The following PGAM5 variants were observed in gnomAD, a reference collection of about 807,000 sequenced individuals.
The protein encoded by PGAM5 is PGAM family member 5, mitochondrial serine/threonine protein phosphatase, also known as serine/threonine-protein phosphatase PGAM5, mitochondrial.
PGAM5 carries 25 observed loss-of-function variants against 30.6 expected under a neutral mutation model. That is an observed-to-expected ratio of 0.82 (90% CI 0.60 to 1.14). The LOEUF is 1.14. PGAM5 is among the 50% of genes most tolerant of loss of function. The pLI, the probability that PGAM5 is intolerant of heterozygous loss-of-function variation, is 0.00. For synonymous variants in PGAM5, 201 were observed against 179.1 expected, an observed-to-expected ratio of 1.12 and a Z score of -0.98; for missense variants, 384 against 408.5, an observed-to-expected ratio of 0.94 and a Z score of 0.52.
chr12:132,720,292 C>T (rs955815792), intron 5 of PGAM5, among the ~76,000 whole-genome samples: 5 of 150,652 alleles, frequency 3.3e-5, no homozygotes, highest in Non-Finnish European at 5.9e-5. Flanking sequence ...AGGACAGAGT[C>T]CCCTGGCTCT....
At chr12:132,717,587 C>T in intron 3 of PGAM5, 23 bp downstream of exon 3, 7 of 1,608,994 alleles carry the variant, frequency 4.4e-6, no homozygotes, top group Middle Eastern at 3.3e-4. Flanking sequence ...CGCGGGGCCT[C>T]CATGCTTGCA....
chr12:132,719,033 G>T, intron 5 of PGAM5: 1 of 1,430,284 alleles, frequency 7.0e-7, no homozygotes. Context: ...CCTGCAATCA[G>T]CCACTTCTTT....
At chr12:132,716,149 G>A (rs1348890515) in intron 2 of PGAM5, among the ~76,000 whole-genome samples, 1 of 151,962 alleles carries the variant, frequency 6.6e-6, no homozygotes, top group African/African-American at 2.4e-5. Context: ...GCAGTGACGT[G>A]ATCTTGGCCC....
rs971490810 is a variant in PGAM5, at chr12:132,721,149, C to A, written c.*321C>A. 1.4e-5 allele frequency: 3 copies of A among 214,612 alleles called. No homozygotes were observed. Among genetic ancestry groups the A allele is most frequent in the Non-Finnish European group, 1.8e-5 (2 of 108,624 alleles). The allele number at this position is 214,612 out of a possible 1,614,324, so 13.3% of individuals were successfully genotyped here. A position where few individuals can be genotyped will look rare whatever the true frequency, so the allele number is the denominator to read the frequency against. ...CCCACAGCTGACCCGTGCTGAGGGT[C>A]CAGGCTCCATTGGCAAAGCCGGTCA... On this transcript the variant is annotated 3_prime_UTR_variant, in exon 6 of 6. Coordinates refer to ENST00000498926, the MANE Select transcript of PGAM5 (RefSeq NM_001170543.2).
Position 132,722,016 on chromosome 12 carries a change from G to A in PGAM5, c.*1188G>A, listed in dbSNP as rs1051538242. 6.6e-6 allele frequency: 1 copy of A among 152,078 alleles called. No individual in the cohort carries two copies. The highest frequency in any genetic ancestry group is 2.4e-5 in the African/African-American group (1 of 41,372). 9.4% of individuals were successfully genotyped at this position (152,078 alleles called of 1,614,324 possible). A position where few individuals can be genotyped will look rare whatever the true frequency, so the allele number is the denominator to read the frequency against. On this transcript the variant is annotated 3_prime_UTR_variant, in exon 6 of 6. Transcript: ENST00000498926. Reference sequence around the variant, plus strand: ...CTCACCAACTTGATTAGGTCTTTAGGGGCCGAGGGACTAGCCAGCTGCACA... The same window carrying A: ...CTCACCAACTTGATTAGGTCTTTAGAGGCCGAGGGACTAGCCAGCTGCACA...
intron 5 of PGAM5, among the ~76,000 whole-genome samples, chr12:132,719,509 G>A (rs1471655992): frequency 2.0e-5 from 3 of 152,216 alleles, no homozygotes; most frequent in South Asian, 2.1e-4. Flanking sequence ...GCTGTGAGTC[G>A]TTCGTTGCCT....
chr12:132,720,182 A>G (rs1038161297), intron 5 of PGAM5, among the ~76,000 whole-genome samples: 1 of 149,974 alleles, frequency 6.7e-6, no homozygotes, highest in African/African-American at 2.5e-5. Flanking sequence ...GGCTCGGCTG[A>G]TGTGTACCCC....
At chr12:132,720,629 G>T (rs1017717595) in intron 5 of PGAM5, 49 bp from the exon 6 acceptor site, 3 of 1,511,840 alleles carry the variant, frequency 2.0e-6, no homozygotes, top group African/African-American at 2.8e-5. Context: ...TTTAAGGACA[G>T]AGCCCCCTGG....
intron 5 of PGAM5, among the ~76,000 whole-genome samples, chr12:132,720,230 CCT>C (rs1427864279): frequency 6.6e-6 from 1 of 151,500 alleles, no homozygotes; most frequent in Non-Finnish European, 1.5e-5. Flanking sequence ...AGGGGCTCAG[CCT>C]CTGTTTGTAG....
chr12:132,716,292 A>G (rs577353299), intron 2 of PGAM5, among the ~76,000 whole-genome samples: 2 of 151,876 alleles, frequency 1.3e-5, no homozygotes, highest in African/African-American at 2.4e-5. Flanking sequence ...TCACCGTGTT[A>G]GCCAGGATGG....
chr12:132,711,094 G>T, intron 1 of PGAM5, 27 bp downstream of exon 1: 1 of 1,202,622 alleles, frequency 8.3e-7, no homozygotes, highest in South Asian at 4.2e-5. Flanking sequence ...TTGGGGCCGG[G>T]GTCGGGATGG....
intron 5 of PGAM5, 68 bp downstream of exon 5, chr12:132,718,188 G>A: frequency 1.1e-5 from 17 of 1,588,396 alleles, no homozygotes; most frequent in Non-Finnish European, 1.5e-5. Context: ...TGAGGAAGAA[G>A]CCGAGCGAGA....
intron 1 of PGAM5, among the ~76,000 whole-genome samples, chr12:132,714,174 A>C (rs994788932): frequency 1.3e-5 from 2 of 151,726 alleles, no homozygotes; most frequent in Non-Finnish European, 1.5e-5. Flanking sequence ...TGTGCCACCA[A>C]GCCCGGCTAA....
intron 5 of PGAM5, chr12:132,718,733 T>G: frequency 6.2e-7 from 1 of 1,612,818 alleles, no homozygotes; most frequent in East Asian, 2.2e-5. Flanking sequence ...ACCAACCACC[T>G]TCTGCCTCCG....
In PGAM5 at chr12:132,717,984, C is replaced by T. The variant is rs377700794; in HGVS notation, c.586-3C>T. On this transcript the variant is annotated splice_polypyrimidine_tract_variant and splice_region_variant and intron_variant, in intron 4 of 5. Transcript: ENST00000498926. Reference sequence around the variant, plus strand: ...CACTGACGGCTCCTCACTCTGCCCCCAGCAGTATTACGAAGACGGAGCCCG... The same window carrying T: ...CACTGACGGCTCCTCACTCTGCCCCTAGCAGTATTACGAAGACGGAGCCCG... 9.9e-6 allele frequency: 16 copies of T among 1,612,592 alleles called. No individual in the cohort carries two copies. The highest frequency in any genetic ancestry group is 1.3e-5 in the Non-Finnish European group (15 of 1,179,956).
At position 132,720,508 on chromosome 12, in the gene PGAM5, C is replaced by T. The variant is rs571069899; in HGVS notation, c.720-170C>T. On this transcript the variant is annotated intron_variant, in intron 5 of 5. Transcript: ENST00000498926. ...ATTTTTAGTAGAGATGGGGTTTCAC[C>T]GTGTTAGCTGGGATGGTCTCGATCT... Among the ~76,000 whole-genome samples, 46 of 152,100 alleles carry T rather than the reference C, an allele frequency of 3.0e-4. No individual in the cohort carries two copies. The South Asian group carries it at 8.7e-3, about 29-fold the overall frequency.
chr12:132,718,044 G>A lies in PGAM5; in HGVS notation c.643G>A (p.Ala215Thr). The change falls in exon 5 of 6, where the codon GCA becomes ACA. Residue 215 changes from alanine to threonine, a missense_variant. By Grantham distance (58) the Ala-to-Thr change is moderately conservative (BLOSUM62 0). Coordinates refer to ENST00000498926, the MANE Select transcript of PGAM5 (RefSeq NM_001170543.2). ...CGCCTTCCGGAACTACATCCACCGC[G>A]CAGATGCCAGGCAGGAGGAGGACAG... ...EAAFRNYIHR[A>T]DARQEEDSYE... is the part of the protein sequence containing the mutation. 7 of 1,612,846 alleles carry A rather than the reference G, an allele frequency of 4.3e-6. No homozygotes were observed. Among genetic ancestry groups the A allele is most frequent in the East Asian group, 4.5e-5 (2 of 44,844 alleles).
At position 132,720,668 on chromosome 12, in the gene PGAM5, CT is replaced by C; in HGVS notation, c.720-9del. On this transcript the variant is annotated splice_polypyrimidine_tract_variant and intron_variant, in intron 5 of 5. Coordinates refer to ENST00000498926, the MANE Select transcript of PGAM5 (RefSeq NM_001170543.2). ...TAACGTGCTCTTTCTCTCTCTCTCT[CT>C]CTCCCCAGAGCACTGCAGTTTCCTC... 6.5e-7 allele frequency: 1 copy of C among 1,534,266 alleles called. No individual in the cohort carries two copies. Among genetic ancestry groups the C allele is most frequent in the Non-Finnish European group, 8.7e-7 (1 of 1,145,558 alleles).
At chr12:132,716,859 CAAAG>C (rs1236173511) in intron 2 of PGAM5, among the ~76,000 whole-genome samples, 11 of 152,214 alleles carry the variant, frequency 7.2e-5, no homozygotes, top group African/African-American at 2.7e-4. Context: ...TGCTTGTGCA[CAAAG>C]AAAGTGGAGT....
Sources: allele counts gnomAD v4.1 joint callset (sites outside exome capture counted in the v4.1 genomes callset), GRCh38; gene constraint gnomAD v4.1.1; transcripts MANE v1.5; gene names NCBI Gene and HGNC (gene_info 2026-07-23, HGNC 2026-07-21).